COL4A2: variants seen among roughly 807,000 people sequenced by gnomAD.
The protein encoded by COL4A2 is collagen alpha-2(IV) chain.
A neutral mutation model predicts 200.2 loss-of-function variants in COL4A2; 99 were observed. The ratio of observed to expected loss-of-function variants is 0.49; its 90% CI spans 0.42 to 0.58. COL4A2 has a LOEUF of 0.58. Among genes scored for constraint, COL4A2 ranks in the 20% least tolerant of loss-of-function variants. The pLI is 0.00. For missense variants in COL4A2, 1,950 were observed against 2,314.1 expected (o/e 0.84, Z 3.23); for synonymous variants, 897 against 900.6 (o/e 1.00, Z 0.07).
chr13:110,497,134 G>C (rs1043218586), intron 40 of COL4A2, among the ~76,000 whole-genome samples: 1 of 151,620 alleles, frequency 6.6e-6, no homozygotes, highest in Admixed American at 6.6e-5. Flanking sequence ...CAGTCTACCA[G>C]CATAACCTCA....
intron 4 of COL4A2, among the ~76,000 whole-genome samples, chr13:110,377,105 G>T (rs563063560): frequency 3.3e-5 from 5 of 151,942 alleles, no homozygotes; most frequent in African/African-American, 1.2e-4. Flanking sequence ...TTAGACTTGG[G>T]TGGTGAGTGT....
chr13:110,408,846 CATAT>C lies in COL4A2; in HGVS notation c.181-15886_181-15883del, dbSNP rs68060651. On this transcript the variant is annotated intron_variant, in intron 4 of 47. Transcript: ENST00000360467. ...ACATGCACACACACATACACGCACA[CATAT>C]ACACACATACACGCACATATACACA... Among the ~76,000 whole-genome samples the C allele has an allele frequency of 1.5e-5, 2 of 131,194 alleles. 1 individual carries two copies. Among genetic ancestry groups the C allele is most frequent in the Non-Finnish European group, 3.3e-5 (2 of 61,316 alleles). The allele number at this position is 131,194 out of a possible 152,430, so 86.1% of individuals were successfully genotyped here. A position where few individuals can be genotyped will look rare whatever the true frequency, so the allele number is the denominator to read the frequency against.
intron 4 of COL4A2, among the ~76,000 whole-genome samples, chr13:110,373,608 A>G (rs1284410304): frequency 6.6e-6 from 1 of 152,208 alleles, no homozygotes; most frequent in Non-Finnish European, 1.5e-5. Flanking sequence ...TCCTGTGTTG[A>G]ATAAAGTGGC....
intron 3 of COL4A2, among the ~76,000 whole-genome samples, chr13:110,342,907 C>T (rs577539580): frequency 1.2e-4 from 19 of 152,006 alleles, no homozygotes; most frequent in Non-Finnish European, 2.4e-4. Flanking sequence ...CCAGATTAAG[C>T]GTAAAAAGAC....
chr13:110,322,588 C>T (rs993058573), intron 3 of COL4A2, among the ~76,000 whole-genome samples: 1 of 152,154 alleles, frequency 6.6e-6, no homozygotes, highest in African/African-American at 2.4e-5. Flanking sequence ...AGGCTGTGAT[C>T]GGGTGCAGGC....
chr13:110,508,139 T>G lies in COL4A2; in HGVS notation c.4799T>G (p.Ile1600Ser). Reference sequence around the variant, plus strand: ...GTGTGTGAGGCCCCGGCCATCGCCATCGCGGTCCACAGTCAGGATGTCTCC... The same window carrying G: ...GTGTGTGAGGCCCCGGCCATCGCCAGCGCGGTCCACAGTCAGGATGTCTCC... ...CSVCEAPAIA[I>S]AVHSQDVSIP... The change falls in exon 47 of 48, where the codon ATC becomes AGC. Residue 1600 changes from isoleucine to serine, a missense_variant. By Grantham distance (142) the Ile-to-Ser change is moderately radical (BLOSUM62 -2). This residue lies in a region of COL4A2 where 1,385 missense variants were observed against 1,720.5 expected (regional missense o/e 0.80). Transcript: ENST00000360467. This position sits in a 1 kb window ranked among gnomAD's most constrained non-coding sequence, Gnocchi z 6.1. 1 of 1,614,260 alleles carries G rather than the reference T, an allele frequency of 6.2e-7. No individual in the cohort carries two copies. The highest frequency in any genetic ancestry group is 1.1e-5 in the South Asian group (1 of 91,090).
chr13:110,323,623 G>C (rs546228928), intron 3 of COL4A2, among the ~76,000 whole-genome samples: 1 of 152,302 alleles, frequency 6.6e-6, no homozygotes, highest in South Asian at 2.1e-4. Flanking sequence ...CATACAATAA[G>C]GGCAGGTGGA....
intron 28 of COL4A2, among the ~76,000 whole-genome samples, chr13:110,471,165 G>C (rs747357895): frequency 1.2e-4 from 18 of 152,378 alleles, no homozygotes; most frequent in African/African-American, 4.3e-4. Context: ...GCTTCTTGCT[G>C]TGAGTATGAA....
chr13:110,314,971 TG>T lies in COL4A2; in HGVS notation c.99+6849del, dbSNP rs748565717. ...CCAGCCTCTCAGTGGCCTCAGCTTCTGTGTTAGTTAGGGGCCAAGGGAAAGG... is the reference window on the plus strand; with the variant it reads ...CCAGCCTCTCAGTGGCCTCAGCTTCTTGTTAGTTAGGGGCCAAGGGAAAGG... On this transcript the variant is annotated intron_variant, in intron 3 of 47. Transcript: ENST00000360467. Among the ~76,000 whole-genome samples the T allele has an allele frequency of 7.9e-4, 121 of 152,270 alleles. 1 individual carries two copies. Among genetic ancestry groups the T allele is most frequent in the Non-Finnish European group, 1.6e-3 (106 of 68,014 alleles).
intron 4 of COL4A2, among the ~76,000 whole-genome samples, chr13:110,412,711 C>T (rs1879890971): frequency 6.6e-6 from 1 of 152,238 alleles, no homozygotes; most frequent in Non-Finnish European, 1.5e-5. Context: ...GACAGTTGTC[C>T]TCAAAACACT....
intron 3 of COL4A2, among the ~76,000 whole-genome samples, chr13:110,312,447 C>A (rs1885009840): frequency 6.6e-6 from 1 of 152,118 alleles, no homozygotes; most frequent in African/African-American, 2.4e-5. Flanking sequence ...AATTGTGTTT[C>A]TGGGGAGAGG....
At chr13:110,465,700 G>T in intron 25 of COL4A2, 94 bp downstream of exon 25, 1 of 1,194,894 alleles carries the variant, frequency 8.4e-7, no homozygotes. Context: ...AGTCAGATGA[G>T]GATGCTGTTT....
chr13:110,327,094 T>C (rs1483409757), intron 3 of COL4A2, among the ~76,000 whole-genome samples: 4 of 152,166 alleles, frequency 2.6e-5, no homozygotes, highest in Non-Finnish European at 5.9e-5. Flanking sequence ...GTTGCTAACC[T>C]GGGCTAGCCT....
At chr13:110,485,294 C>T (rs908378351) in intron 33 of COL4A2, among the ~76,000 whole-genome samples, 7 of 152,178 alleles carry the variant, frequency 4.6e-5, no homozygotes, top group South Asian at 2.1e-4. Flanking sequence ...GAGGCCGAGG[C>T]GGGTGGATCA....
intron 27 of COL4A2, 111 bp from the exon 28 acceptor site, chr13:110,469,106 C>A: frequency 8.1e-7 from 1 of 1,236,052 alleles, no homozygotes; most frequent in Non-Finnish European, 1.1e-6. Context: ...TCCCCCCAGC[C>A]TCATCATTTC....
chr13:110,329,176 T>C (rs1330801091), intron 3 of COL4A2, among the ~76,000 whole-genome samples: 1 of 152,272 alleles, frequency 6.6e-6, no homozygotes, highest in Non-Finnish European at 1.5e-5. Flanking sequence ...TGCTTGTTAC[T>C]TCAATACTTG....
intron 21 of COL4A2, 55 bp downstream of exon 21, chr13:110,457,490 C>A: frequency 2.9e-6 from 3 of 1,033,676 alleles, no homozygotes; most frequent in East Asian, 2.4e-5. Context: ...CCAAGTCCCT[C>A]ACCTTACAGA....
At chr13:110,393,416 A>G (rs1200182301) in intron 4 of COL4A2, among the ~76,000 whole-genome samples, 1 of 152,184 alleles carries the variant, frequency 6.6e-6, no homozygotes, top group Non-Finnish European at 1.5e-5. Flanking sequence ...TATGAATACA[A>G]TCCAGTATAA....
rs200481653 is a variant in COL4A2 at position 110,504,216 on chromosome 13, C to A, written c.4354C>A (p.Arg1452=). The A allele has an allele frequency of 1.2e-6, 2 of 1,614,076 alleles. No individual in the cohort carries two copies. Among genetic ancestry groups the A allele is most frequent in the Non-Finnish European group, 1.7e-6 (2 of 1,180,032 alleles). ...RGGVSAVPGF[R]GDEGPIGHQG... is the part of the protein sequence containing the mutation. The stretch of plus-strand genomic sequence containing the variant: ...TGGTGTGTCTGCTGTTCCCGGCTTC[C>A]GGGGAGATGAAGGACCCATAGGCCA... Residue 1452 remains arginine, a synonymous_variant, in exon 45 of 48, where the codon CGG becomes AGG. Transcript: ENST00000360467.
Sources: allele counts gnomAD v4.1 joint callset (sites outside exome capture counted in the v4.1 genomes callset), GRCh38; gene constraint gnomAD v4.1.1; regional missense constraint gnomAD v4.1.1; non-coding constraint Gnocchi (gnomAD v3.1); transcripts MANE v1.5; gene names NCBI Gene and HGNC (gene_info 2026-07-23, HGNC 2026-07-21).